Variants in FHIT observed in about 807,000 individuals in gnomAD.
FHIT encodes the protein bis(5'-adenosyl)-triphosphatase.
A neutral mutation model predicts 17.9 loss-of-function variants in FHIT; 19 were observed. That is an observed-to-expected ratio of 1.06 (90% confidence interval 0.74 to 1.56). The LOEUF (loss-of-function observed/expected upper bound fraction) is 1.56, where lower values mean the gene tolerates loss of function less well. Ranked by LOEUF, FHIT falls within the 40% of genes most tolerant of loss-of-function variation. The pLI is 0.00. For synonymous variants in FHIT, 81 were observed against 69.7 expected (o/e 1.16, Z -0.81); for missense variants, 248 against 189.2 (o/e 1.31, Z -1.82).
chr3:61,039,465 A>C (rs2033402456), intron 3 of FHIT, among the ~76,000 whole-genome samples: 2 of 152,208 alleles, frequency 1.3e-5, no homozygotes, highest in African/African-American at 4.8e-5. Context: ...GATTTCCATC[A>C]ATGACAGACT....
chr3:59,982,996 T>C (rs113984030), intron 7 of FHIT, among the ~76,000 whole-genome samples: 89 of 152,138 alleles, frequency 5.8e-4, no homozygotes, highest in African/African-American at 1.9e-3. Flanking sequence ...TGGAGCACAA[T>C]GCCACTATCT....
At chr3:60,390,113 A>C (rs1185708464) in intron 5 of FHIT, among the ~76,000 whole-genome samples, 1 of 152,210 alleles carries the variant, frequency 6.6e-6, no homozygotes, top group Non-Finnish European at 1.5e-5. Context: ...AAAGAAAATG[A>C]AAATCAATGT....
chr3:60,552,453 AG>A (rs1291647834), intron 4 of FHIT, among the ~76,000 whole-genome samples: 2 of 152,156 alleles, frequency 1.3e-5, no homozygotes, highest in Non-Finnish European at 2.9e-5. Flanking sequence ...CCAATGAAAG[AG>A]GGTTCCAAGT....
chr3:61,066,864 G>A (rs553270227), intron 2 of FHIT, among the ~76,000 whole-genome samples: 1 of 152,280 alleles, frequency 6.6e-6, no homozygotes, highest in South Asian at 2.1e-4. Context: ...AAGGAAAAAG[G>A]AAACAGCATG....
At chr3:61,146,310 G>A (rs754679631) in intron 2 of FHIT, among the ~76,000 whole-genome samples, 22 of 151,988 alleles carry the variant, frequency 1.4e-4, no homozygotes, top group Admixed American at 5.2e-4. Context: ...TTAGGGCTCT[G>A]GCAATCACTG....
intron 5 of FHIT, among the ~76,000 whole-genome samples, chr3:60,082,580 A>C (rs1703335744): frequency 6.6e-6 from 1 of 152,104 alleles, no homozygotes; most frequent in East Asian, 1.9e-4. Flanking sequence ...AAACTAATTT[A>C]CATTCCCACC....
At chr3:61,082,199 A>G (rs1178253576) in intron 2 of FHIT, among the ~76,000 whole-genome samples, 3 of 152,312 alleles carry the variant, frequency 2.0e-5, no homozygotes, top group Non-Finnish European at 2.9e-5. Context: ...AAGAAATATA[A>G]TATTATCATC....
chr3:60,562,599 C>A (rs1430126606), intron 4 of FHIT, among the ~76,000 whole-genome samples: 1 of 152,130 alleles, frequency 6.6e-6, no homozygotes, highest in African/African-American at 2.4e-5. Flanking sequence ...TAATACCAGC[C>A]AGCACCTTAA....
intron 5 of FHIT, among the ~76,000 whole-genome samples, chr3:60,387,547 G>T (rs980405593): frequency 1.3e-5 from 2 of 152,026 alleles, no homozygotes; most frequent in African/African-American, 4.8e-5. Context: ...AAAGCATTTG[G>T]AAACAATAAT....
intron 2 of FHIT, among the ~76,000 whole-genome samples, chr3:61,156,612 C>G (rs1053002001): frequency 6.6e-6 from 1 of 152,100 alleles, no homozygotes; most frequent in Non-Finnish European, 1.5e-5. Flanking sequence ...AAATACCATA[C>G]CCCTCCTCCA....
chr3:61,174,759 C>T (rs1008704440), intron 2 of FHIT, among the ~76,000 whole-genome samples: 18 of 152,146 alleles, frequency 1.2e-4, no homozygotes, highest in Non-Finnish European at 2.4e-4. Context: ...ATTTCAAATG[C>T]CTTGAAAATG....
chr3:59,996,428 A>G (rs1292459896), intron 7 of FHIT, among the ~76,000 whole-genome samples: 2 of 152,070 alleles, frequency 1.3e-5, no homozygotes, highest in Non-Finnish European at 2.9e-5. Context: ...TCAGTCTAGC[A>G]GTCCATGGGT....
At chr3:59,856,903 C>T (rs557044662) in intron 8 of FHIT, among the ~76,000 whole-genome samples, 14 of 151,618 alleles carry the variant, frequency 9.2e-5, no homozygotes, top group Non-Finnish European at 1.8e-4. Flanking sequence ...CTTTAATCCC[C>T]ACAACCACCC....
chr3:60,038,974 A>G (rs188493637), intron 5 of FHIT, among the ~76,000 whole-genome samples: 5 of 152,256 alleles, frequency 3.3e-5, no homozygotes, highest in East Asian at 1.9e-4. Context: ...GTGGTCAGGA[A>G]TTTTGGATCA....
rs1699531867 is a variant in FHIT, at chr3:60,130,859, A to G, written c.104-116707T>C. Among the ~76,000 whole-genome samples, 5 of 144,396 alleles carry G rather than the reference A, an allele frequency of 3.5e-5. No individual in the cohort carries two copies. In the South Asian group the frequency reaches 9.2e-4, roughly 26 times the overall value. 94.7% of individuals were successfully genotyped at this position (144,396 alleles called of 152,430 possible). Reference sequence around the variant, plus strand: ...CATACATACACATACATGTGTATACATGTATATAGACACGTATACATGTAT... The same window carrying G: ...CATACATACACATACATGTGTATACGTGTATATAGACACGTATACATGTAT... On this transcript the variant is annotated intron_variant, in intron 5 of 9. Transcript: ENST00000492590.
chr3:59,920,210 A>G (rs556744465), intron 8 of FHIT, among the ~76,000 whole-genome samples: 6 of 152,210 alleles, frequency 3.9e-5, no homozygotes, highest in Admixed American at 1.3e-4. Context: ...TCAGGCTACA[A>G]TATCATATGG....
intron 5 of FHIT, among the ~76,000 whole-genome samples, chr3:60,444,515 T>C (rs1179199682): frequency 6.6e-6 from 1 of 151,978 alleles, no homozygotes; most frequent in Admixed American, 6.6e-5. Flanking sequence ...TATGCAGCCA[T>C]AAAAAAATGA....
chr3:60,077,695 CA>C lies in FHIT; in HGVS notation c.104-63544del, dbSNP rs1559611299. On this transcript the variant is annotated intron_variant, in intron 5 of 9. Transcript: ENST00000492590. ...AATCTACGATTTTACTTCACACACA[CA>C]CACACACACACACACACACACACAC... Among the ~76,000 whole-genome samples, 855 of 98,776 alleles carry C rather than the reference CA, an allele frequency of 8.7e-3. 17 individuals carry two copies. The highest frequency in any genetic ancestry group is 0.039 in the African/African-American group (790 of 20,290). The allele number at this position is 98,776 out of a possible 152,430, so 64.8% of individuals were successfully genotyped here.
intron 1 of FHIT, among the ~76,000 whole-genome samples, chr3:61,211,194 G>A (rs761157142): frequency 6.6e-6 from 1 of 151,836 alleles, no homozygotes; most frequent in Non-Finnish European, 1.5e-5. Flanking sequence ...GCCGAAGCAG[G>A]GTGAGGCATT....
Sources: gnomAD v4.1 joint callset for allele counts (sites outside exome capture counted in the v4.1 genomes callset) on GRCh38, gnomAD v4.1.1 for gene constraint, MANE v1.5 for transcripts, NCBI Gene and HGNC (gene_info 2026-07-23, HGNC 2026-07-21) for gene names.